Variants in CDH12 observed in about 807,000 individuals in gnomAD.
The protein encoded by CDH12 is cadherin 12, also known as cadherin-12.
Under a neutral mutation model 74.1 loss-of-function variants are expected in CDH12, and 41 were observed. That is an observed-to-expected ratio of 0.55 (90% confidence interval 0.43 to 0.72). The LOEUF (loss-of-function observed/expected upper bound fraction) is 0.72, where lower values mean the gene tolerates loss of function less well. Ranked by LOEUF, CDH12 falls within the 30% of genes least tolerant of loss-of-function variation. The pLI, the probability that CDH12 is intolerant of heterozygous loss-of-function variation, is 0.00. For missense variants in CDH12, 945 were observed against 977.2 expected, an observed-to-expected ratio of 0.97 and a Z score of 0.44; for synonymous variants, 399 against 355.0, an observed-to-expected ratio of 1.12 and a Z score of -1.39.
intron 7 of CDH12, among the ~76,000 whole-genome samples, chr5:21,846,870 C>A (rs564980866): frequency 1.3e-5 from 2 of 152,076 alleles, no homozygotes; most frequent in Non-Finnish European, 2.9e-5. Flanking sequence ...TTGTAGACAG[C>A]ATATGACAAA....
chr5:22,848,865 A>G (rs1269972005), intron 1 of CDH12, among the ~76,000 whole-genome samples: 1 of 150,268 alleles, frequency 6.7e-6, no homozygotes, highest in Non-Finnish European at 1.5e-5. Context: ...GGAAATCTTT[A>G]TTTTCTGTAT....
chr5:22,424,002 C>CAAAAAAAAAAAAAAAAAAA (rs1165781089), intron 2 of CDH12, among the ~76,000 whole-genome samples: 22 of 31,224 alleles, frequency 7.0e-4, no homozygotes, highest in Middle Eastern at 0.031. Context: ...GACTCTGTCT[C>CAAAAAAAAAAAAAAAAAAA]AAAAAAAAAA....
At chr5:22,409,530 A>C (rs1743092196) in intron 2 of CDH12, among the ~76,000 whole-genome samples, 1 of 152,026 alleles carries the variant, frequency 6.6e-6, no homozygotes, top group Admixed American at 6.6e-5. Flanking sequence ...ATTTGAAAAA[A>C]ATACAGCATA....
Position 22,495,185 on chromosome 5 carries a change from T to C in CDH12, c.-428+10085A>G, listed in dbSNP as rs79055936. 7.2e-3 allele frequency among the ~76,000 whole-genome samples: 1,091 copies of C among 152,120 alleles called. 11 individuals are homozygous for C. Among genetic ancestry groups the C allele is most frequent in the African/African-American group, 0.025 (1,055 of 41,482 alleles). On this transcript the variant is annotated intron_variant, in intron 2 of 14. Transcript: ENST00000382254. Reference sequence around the variant, plus strand: ...GCATCACTTGGGGCAAGAGGAAAAATGAATTTCAAACAACACAAAAAAATG... The same window carrying C: ...GCATCACTTGGGGCAAGAGGAAAAACGAATTTCAAACAACACAAAAAAATG...
intron 1 of CDH12, among the ~76,000 whole-genome samples, chr5:22,708,309 C>G (rs1743122295): frequency 6.6e-6 from 1 of 152,176 alleles, no homozygotes; most frequent in East Asian, 1.9e-4. Context: ...TACGCTTACT[C>G]AACACAAACA....
chr5:22,630,884 T>C (rs1383504332), intron 1 of CDH12, among the ~76,000 whole-genome samples: 1 of 152,100 alleles, frequency 6.6e-6, no homozygotes, highest in Non-Finnish European at 1.5e-5. Context: ...TTGCAAATTA[T>C]GCATCCAACA....
chr5:21,959,752 C>CAA lies in CDH12; in HGVS notation c.526+15337_526+15338dup, dbSNP rs1176227757. On this transcript the variant is annotated intron_variant, in intron 6 of 14. Transcript: ENST00000382254. Reference sequence around the variant, plus strand: ...GTGAAACCCCATCTCTACTAAAATCCAAAAAAAAAAAAAAAAAAAAAAAAT... The same window carrying CAA: ...GTGAAACCCCATCTCTACTAAAATCCAAAAAAAAAAAAAAAAAAAAAAAAAAT... Among the ~76,000 whole-genome samples, 487 of 80,796 alleles carry CAA rather than the reference C, an allele frequency of 6.0e-3. 5 individuals carry two copies. The highest frequency in any genetic ancestry group is 0.02 in the African/African-American group (439 of 22,108). The allele number at this position is 80,796 out of a possible 152,430, so 53.0% of individuals were successfully genotyped here.
At chr5:22,588,731 G>T (rs1183910477) in intron 1 of CDH12, among the ~76,000 whole-genome samples, 1 of 152,048 alleles carries the variant, frequency 6.6e-6, no homozygotes, top group Non-Finnish European at 1.5e-5. Flanking sequence ...CTACTAATCT[G>T]CTGGTACCTT....
chr5:21,905,531 C>G (rs1753600244), intron 6 of CDH12, among the ~76,000 whole-genome samples: 1 of 152,326 alleles, frequency 6.6e-6, no homozygotes, highest in East Asian at 1.9e-4. Context: ...GGTTTTAGAA[C>G]TTTTGCAACA....
intron 10 of CDH12, among the ~76,000 whole-genome samples, chr5:21,798,288 T>C (rs867316589): frequency 4.0e-5 from 6 of 151,752 alleles, no homozygotes; most frequent in Middle Eastern, 3.2e-3. Flanking sequence ...TGTGTCTGCA[T>C]ATAGCCCTAT....
At chr5:21,797,471 G>T (rs989014818) in intron 10 of CDH12, among the ~76,000 whole-genome samples, 12 of 152,044 alleles carry the variant, frequency 7.9e-5, no homozygotes, top group African/African-American at 2.9e-4. Context: ...ATTCCAGTTT[G>T]TTGTTCACTC....
intron 8 of CDH12, among the ~76,000 whole-genome samples, chr5:21,824,848 G>A (rs1362694606): frequency 6.6e-6 from 1 of 151,986 alleles, no homozygotes; most frequent in Non-Finnish European, 1.5e-5. Flanking sequence ...TACAAAACAT[G>A]CTTTAAAAGA....
At chr5:22,133,844 A>G (rs1017809646) in intron 4 of CDH12, among the ~76,000 whole-genome samples, 42 of 152,128 alleles carry the variant, frequency 2.8e-4, no homozygotes, top group African/African-American at 9.2e-4. Flanking sequence ...TCAGCATAAA[A>G]GATAGTTACA....
intron 4 of CDH12, among the ~76,000 whole-genome samples, chr5:22,162,476 C>CA (rs1422230538): frequency 2.0e-5 from 3 of 152,100 alleles, no homozygotes; most frequent in Non-Finnish European, 4.4e-5. Context: ...GGAGCTGCCT[C>CA]AGGTTGGGTT....
intron 2 of CDH12, among the ~76,000 whole-genome samples, chr5:22,430,056 T>C (rs1020083746): frequency 2.6e-5 from 4 of 152,192 alleles, no homozygotes; most frequent in African/African-American, 9.7e-5. Flanking sequence ...AGACTATTTT[T>C]CCATTTTCCT....
chr5:22,349,632 C>A (rs562803170), intron 3 of CDH12, among the ~76,000 whole-genome samples: 14 of 152,188 alleles, frequency 9.2e-5, no homozygotes, highest in Non-Finnish European at 1.5e-4. Flanking sequence ...ACCAATCAAT[C>A]AATCTTAAGA....
intron 5 of CDH12, among the ~76,000 whole-genome samples, chr5:22,055,117 G>A (rs1740651126): frequency 1.3e-5 from 2 of 152,138 alleles, no homozygotes; most frequent in South Asian, 4.1e-4. Context: ...TTTGCATCAG[G>A]AGGAGCAGCT....
intron 5 of CDH12, among the ~76,000 whole-genome samples, chr5:22,003,735 T>G (rs187005943): frequency 7.1e-6 from 1 of 140,018 alleles, no homozygotes; most frequent in Admixed American, 8.1e-5. Flanking sequence ...AGGGAATATT[T>G]CCCCAAGACC....
chr5:21,989,060 T>C (rs1256506013), intron 5 of CDH12, among the ~76,000 whole-genome samples: 3 of 151,976 alleles, frequency 2.0e-5, no homozygotes, highest in African/African-American at 4.8e-5. Context: ...TGTGACAGGA[T>C]TGACTTTAGA....
Sources: gnomAD v4.1 joint callset for allele counts (sites outside exome capture counted in the v4.1 genomes callset) on GRCh38, gnomAD v4.1.1 for gene constraint, MANE v1.5 for transcripts, NCBI Gene and HGNC (gene_info 2026-07-23, HGNC 2026-07-21) for gene names.